Variants in PRKN observed in about 807,000 individuals in gnomAD.
The protein encoded by PRKN is parkin RBR E3 ubiquitin protein ligase.
PRKN carries 56 observed loss-of-function variants against 59.5 expected under a neutral mutation model. The ratio of observed to expected loss-of-function variants is 0.94; its 90% CI spans 0.76 to 1.18. The LOEUF is 1.18. Ranked by LOEUF, PRKN falls within the 50% of genes most tolerant of loss-of-function variation. The pLI, the probability that PRKN is intolerant of heterozygous loss-of-function variation, is 0.00. For synonymous variants in PRKN, 250 were observed against 222.1 expected, an observed-to-expected ratio of 1.13 and a Z score of -1.12; for missense variants, 657 against 596.4, an observed-to-expected ratio of 1.10 and a Z score of -1.06.
At chr6:161,659,375 G>A (rs572855501) in intron 7 of PRKN, among the ~76,000 whole-genome samples, 1 of 152,062 alleles carries the variant, frequency 6.6e-6, no homozygotes, top group South Asian at 2.1e-4. Context: ...CACTAAAAAT[G>A]CATGATATGT....
At chr6:162,631,189 G>C (rs1783096134) in intron 1 of PRKN, among the ~76,000 whole-genome samples, 1 of 152,124 alleles carries the variant, frequency 6.6e-6, no homozygotes, top group Non-Finnish European at 1.5e-5. Context: ...AGAGTCATCT[G>C]TATTAGGTAT....
chr6:161,569,522 G>A (rs1440180364), intron 7 of PRKN, 106 bp from the exon 8 acceptor site: 6 of 938,200 alleles, frequency 6.4e-6, no homozygotes, highest in South Asian at 4.0e-5. Context: ...CCTTTTGGGA[G>A]GACACAGACG....
At chr6:161,683,579 C>T (rs1269225338) in intron 7 of PRKN, among the ~76,000 whole-genome samples, 3 of 152,186 alleles carry the variant, frequency 2.0e-5, no homozygotes, top group East Asian at 3.9e-4. Flanking sequence ...TAGCGCTTGA[C>T]AGGGCAGCAC....
chr6:161,945,352 T>A, intron 6 of PRKN, among the ~76,000 whole-genome samples: 1 of 152,208 alleles, frequency 6.6e-6, no homozygotes, highest in East Asian at 1.9e-4. Flanking sequence ...GCTTCCTAGA[T>A]TTAATGAATG....
In PRKN at chr6:162,485,706, G is replaced by C. The variant is rs181864026; in HGVS notation, c.8-42233C>G. The stretch of plus-strand genomic sequence containing the variant: ...TACACTTGTCTTTACCCCAACAACT[G>C]TTCACATTAATCTGAGTTAACTACC... On this transcript the variant is annotated intron_variant, in intron 1 of 11. Transcript: ENST00000366898. Among the ~76,000 whole-genome samples the C allele has an allele frequency of 2.1e-3, 313 of 152,190 alleles. 2 individuals carry two copies. The highest frequency in any genetic ancestry group is 7.3e-3 in the African/African-American group (302 of 41,526).
intron 1 of PRKN, among the ~76,000 whole-genome samples, chr6:162,583,116 G>A (rs953517272): frequency 6.6e-6 from 1 of 152,090 alleles, no homozygotes; most frequent in African/African-American, 2.4e-5. Context: ...CCTCGCTCAG[G>A]AGGACAGGAC....
At chr6:162,390,392 T>TAG (rs1474444922) in intron 2 of PRKN, among the ~76,000 whole-genome samples, 2 of 123,478 alleles carry the variant, frequency 1.6e-5, no homozygotes, top group Non-Finnish European at 3.2e-5. Flanking sequence ...TATATATATA[T>TAG]ATATACACAC....
At chr6:162,012,433 T>C (rs2128271422) in intron 5 of PRKN, among the ~76,000 whole-genome samples, 1 of 152,072 alleles carries the variant, frequency 6.6e-6, no homozygotes, top group South Asian at 2.1e-4. Flanking sequence ...ATATATAATG[T>C]ACATTATTAT....
intron 7 of PRKN, among the ~76,000 whole-genome samples, chr6:161,595,396 G>A (rs1205393507): frequency 1.3e-5 from 2 of 152,158 alleles, no homozygotes; most frequent in Non-Finnish European, 2.9e-5. Flanking sequence ...CTCAAGAAAA[G>A]TATGAAAGTA....
intron 2 of PRKN, among the ~76,000 whole-genome samples, chr6:162,379,036 C>G (rs1786280911): frequency 2.0e-5 from 3 of 152,174 alleles, no homozygotes; most frequent in Non-Finnish European, 2.9e-5. Flanking sequence ...TATTCAAATA[C>G]TTTAAATAGA....
intron 6 of PRKN, among the ~76,000 whole-genome samples, chr6:161,915,308 C>A (rs1778513714): frequency 6.6e-6 from 1 of 151,978 alleles, no homozygotes; most frequent in Non-Finnish European, 1.5e-5. Flanking sequence ...ATAAGATGTT[C>A]TTTTCAAGTT....
intron 6 of PRKN, among the ~76,000 whole-genome samples, chr6:161,965,565 A>G (rs1001564080): frequency 5.9e-5 from 9 of 152,080 alleles, no homozygotes; most frequent in Non-Finnish European, 1.3e-4. Context: ...TTTGAGCCAA[A>G]TATGAGTGAC....
chr6:162,627,980 T>C (rs1017184885), intron 1 of PRKN, among the ~76,000 whole-genome samples: 2 of 152,048 alleles, frequency 1.3e-5, no homozygotes, highest in Admixed American at 6.6e-5. Context: ...ACTCGAGTGA[T>C]AGAGCCAATG....
chr6:162,326,921 AT>A (rs1354880800), intron 2 of PRKN, among the ~76,000 whole-genome samples: 1 of 152,148 alleles, frequency 6.6e-6, no homozygotes, highest in Admixed American at 6.5e-5. Context: ...CAATTCCTAC[AT>A]TTTTTTAAAG....
Position 161,421,135 on chromosome 6 carries a change from T to C in PRKN, c.1084-34258A>G, listed in dbSNP as rs572857484. On this transcript the variant is annotated intron_variant, in intron 9 of 11. Transcript: ENST00000366898. ...GTAAGAAAATCATGTGAAGTTCACC[T>C]GGGTGAGCCTTTACCCTCCAGGCAC... Among the ~76,000 whole-genome samples, 6 of 152,318 alleles carry C rather than the reference T, an allele frequency of 3.9e-5. No individual in the cohort carries two copies. In the South Asian group the frequency reaches 1.2e-3, roughly 32 times the overall value.
chr6:162,507,304 C>T (rs556307230), intron 1 of PRKN, among the ~76,000 whole-genome samples: 8 of 152,212 alleles, frequency 5.3e-5, no homozygotes, highest in African/African-American at 1.9e-4. Context: ...TATGATTTCA[C>T]TCCTATGCTT....
chr6:162,595,113 G>A (rs1162428120), intron 1 of PRKN, among the ~76,000 whole-genome samples: 1 of 152,104 alleles, frequency 6.6e-6, no homozygotes, highest in Non-Finnish European at 1.5e-5. Flanking sequence ...GGCAGAGCTT[G>A]CAGGGAGCTG....
chr6:161,434,125 G>T (rs1351540777), intron 9 of PRKN, among the ~76,000 whole-genome samples: 1 of 152,014 alleles, frequency 6.6e-6, no homozygotes, highest in Non-Finnish European at 1.5e-5. Flanking sequence ...GAGGTACATT[G>T]TTTTCAAAAT....
At chr6:162,269,550 G>A (rs940405629) in intron 2 of PRKN, 1 of 152,224 alleles carries the variant, frequency 6.6e-6, no homozygotes, top group African/African-American at 2.4e-5. Context: ...GTTGGCAGAA[G>A]TGCCCAGCCA....
Sources: gnomAD v4.1 joint callset for allele counts (sites outside exome capture counted in the v4.1 genomes callset) on GRCh38, gnomAD v4.1.1 for gene constraint, MANE v1.5 for transcripts, NCBI Gene and HGNC (gene_info 2026-07-23, HGNC 2026-07-21) for gene names.